TRAPPC9: variants seen among roughly 807,000 people sequenced by gnomAD.
TRAPPC9 encodes the protein trafficking protein particle complex subunit 9, also known as IKK2 binding protein.
In TRAPPC9, 83 loss-of-function variants were observed where a neutral mutation model predicts 124.0. The observed-to-expected ratio is 0.67, with a 90% CI of 0.56 to 0.80. TRAPPC9 has a LOEUF of 0.80. TRAPPC9 is among the 30% of genes least tolerant of loss of function. The probability of loss-of-function intolerance (pLI) is 0.00; values close to 1 mark genes in which losing one functional copy is unlikely to be tolerated. For missense variants in TRAPPC9, 1,302 were observed against 1,508.3 expected, an observed-to-expected ratio of 0.86 and a Z score of 2.27; for synonymous variants, 638 against 617.5, an observed-to-expected ratio of 1.03 and a Z score of -0.49.
chr8:140,034,377 C>T (rs901187197), intron 17 of TRAPPC9, among the ~76,000 whole-genome samples: 1 of 152,160 alleles, frequency 6.6e-6, no homozygotes, highest in African/African-American at 2.4e-5. Context: ...CAAATTCTTC[C>T]TTGGTTATTG....
intron 17 of TRAPPC9, among the ~76,000 whole-genome samples, chr8:140,051,723 T>C (rs1294037075): frequency 6.6e-6 from 1 of 151,994 alleles, no homozygotes; most frequent in African/African-American, 2.4e-5. Flanking sequence ...TAAGGATGCA[T>C]CGTAAGGACG....
chr8:140,057,690 G>A (rs1418845728), intron 17 of TRAPPC9, among the ~76,000 whole-genome samples: 1 of 152,130 alleles, frequency 6.6e-6, no homozygotes, highest in South Asian at 2.1e-4. Context: ...GAGGGGAAAC[G>A]GACAGTTGTG....
chr8:140,343,131 A>G (rs1326140069), intron 9 of TRAPPC9, among the ~76,000 whole-genome samples: 1 of 152,210 alleles, frequency 6.6e-6, no homozygotes, highest in Non-Finnish European at 1.5e-5. Flanking sequence ...TAAAATATCC[A>G]AGATGATAAA....
chr8:139,905,330 G>A (rs535649284), intron 20 of TRAPPC9, among the ~76,000 whole-genome samples: 14 of 152,342 alleles, frequency 9.2e-5, no homozygotes, highest in African/African-American at 3.4e-4. Context: ...GGGCTTAAGA[G>A]ACTTGTGAGC....
intron 17 of TRAPPC9, among the ~76,000 whole-genome samples, chr8:140,037,737 CCACA>C (rs1472257060): frequency 6.8e-6 from 1 of 147,710 alleles, no homozygotes; most frequent in Non-Finnish European, 1.5e-5. Flanking sequence ...AATACACACC[CCACA>C]CACACACACC....
intron 17 of TRAPPC9, among the ~76,000 whole-genome samples, chr8:140,210,225 G>A (rs1331130404): frequency 6.6e-6 from 1 of 152,208 alleles, no homozygotes; most frequent in East Asian, 1.9e-4. Flanking sequence ...CTCTGCCGCT[G>A]AACTACTGAG....
intron 18 of TRAPPC9, among the ~76,000 whole-genome samples, chr8:139,991,107 G>C (rs1314044290): frequency 1.3e-5 from 2 of 152,198 alleles, no homozygotes; most frequent in African/African-American, 4.8e-5. Context: ...CTATTCCTCT[G>C]TTGTCATAAC....
chr8:140,458,308 T>A (rs1301653736), upstream of TRAPPC9: 1 of 1,566,140 alleles, frequency 6.4e-7, no homozygotes, highest in Non-Finnish European at 8.7e-7. Flanking sequence ...CAGCTCAAAT[T>A]TCACTTCCTC....
chr8:140,271,754 C>A (rs920795829), intron 15 of TRAPPC9, among the ~76,000 whole-genome samples: 2 of 152,190 alleles, frequency 1.3e-5, no homozygotes, highest in Non-Finnish European at 1.5e-5. Context: ...AGTGCAAACA[C>A]CAAGTAAAGG....
At chr8:140,299,918 A>T (rs757484008) in intron 11 of TRAPPC9, among the ~76,000 whole-genome samples, 1 of 152,190 alleles carries the variant, frequency 6.6e-6, no homozygotes, top group Non-Finnish European at 1.5e-5. Flanking sequence ...CCCTCCACTC[A>T]GTCCTGAACA....
chr8:140,023,858 A>G lies in TRAPPC9; in HGVS notation c.2699+79T>C, dbSNP rs554411419. 78 of 1,606,154 alleles carry G rather than the reference A, an allele frequency of 4.9e-5. 1 individual carries two copies. In the South Asian group the frequency reaches 8.1e-4, roughly 17 times the overall value. The stretch of plus-strand genomic sequence containing the variant: ...GGATCTGACGGGATGCATGACAAAA[A>G]CACACTGAGGTCAGGATTCTGAACG... On this transcript the variant is annotated intron_variant, in intron 18 of 22. Coordinates refer to ENST00000438773, the MANE Select transcript of TRAPPC9 (RefSeq NM_001160372.4).
intron 5 of TRAPPC9, among the ~76,000 whole-genome samples, chr8:140,411,966 TC>T (rs2069721222): frequency 6.6e-6 from 1 of 152,226 alleles, no homozygotes; most frequent in African/African-American, 2.4e-5. Context: ...AATAACTGAC[TC>T]AGGTGAAACT....
At chr8:139,880,183 G>A (rs1829590591) in intron 21 of TRAPPC9, among the ~76,000 whole-genome samples, 2 of 152,204 alleles carry the variant, frequency 1.3e-5, no homozygotes, top group Non-Finnish European at 1.5e-5. Context: ...CTCAGCTGAG[G>A]TCCCTGCAGG....
intron 11 of TRAPPC9, among the ~76,000 whole-genome samples, chr8:140,291,976 G>A (rs553440943): frequency 2.0e-5 from 3 of 152,306 alleles, no homozygotes; most frequent in East Asian, 3.9e-4. Flanking sequence ...AGCCCCAGAT[G>A]CCACTTGGAT....
chr8:140,247,933 T>C (rs1438020480), intron 16 of TRAPPC9, among the ~76,000 whole-genome samples: 1 of 152,254 alleles, frequency 6.6e-6, no homozygotes. Flanking sequence ...GTTATTCTTT[T>C]GTACTTCTTC....
At chr8:139,754,148 C>A (rs534581159) in intron 21 of TRAPPC9, among the ~76,000 whole-genome samples, 1 of 152,200 alleles carries the variant, frequency 6.6e-6, no homozygotes, top group African/African-American at 2.4e-5. Context: ...CAAGGCCCCC[C>A]CAGCCTGCTG....
intron 7 of TRAPPC9, among the ~76,000 whole-genome samples, chr8:140,383,006 A>G (rs1172369348): frequency 6.6e-6 from 1 of 152,256 alleles, no homozygotes; most frequent in Non-Finnish European, 1.5e-5. Flanking sequence ...GCTGTTCAGC[A>G]ATATTAGCTG....
At position 140,033,131 on chromosome 8, in the gene TRAPPC9, G is replaced by A. The variant is rs933931655; in HGVS notation, c.2557-9052C>T. Reference sequence around the variant, plus strand: ...ACACTAAGGAGATTACCCCTTGTACGAAATCATGTCTGCAGACAGAGACAG... The same window carrying A: ...ACACTAAGGAGATTACCCCTTGTACAAAATCATGTCTGCAGACAGAGACAG... On this transcript the variant is annotated intron_variant, in intron 17 of 22. Transcript: ENST00000438773. Among the ~76,000 whole-genome samples the A allele has an allele frequency of 3.3e-5, 5 of 152,072 alleles. No individual in the cohort carries two copies. In the South Asian group the frequency reaches 6.2e-4, roughly 19 times the overall value.
At chr8:140,457,330 AGCAGAGCCGGCCCGG>A (rs1381434342) in intron 1 of TRAPPC9, among the ~76,000 whole-genome samples, 1 of 152,074 alleles carries the variant, frequency 6.6e-6, no homozygotes, top group Non-Finnish European at 1.5e-5. Context: ...AGCTCGGGAG[AGCAGAGCCGGCCCGG>A]GCAGCAGGTG....
Sources: gnomAD v4.1 joint callset for allele counts (sites outside exome capture counted in the v4.1 genomes callset) on GRCh38, gnomAD v4.1.1 for gene constraint, MANE v1.5 for transcripts, NCBI Gene and HGNC (gene_info 2026-07-23, HGNC 2026-07-21) for gene names.